SPHKAP: variants seen among roughly 807,000 people sequenced by gnomAD.
SPHKAP encodes the protein A-kinase anchor protein SPHKAP.
SPHKAP carries 67 observed loss-of-function variants against 137.5 expected under a neutral mutation model. The ratio of observed to expected loss-of-function variants is 0.49; its 90% confidence interval spans 0.40 to 0.60. The LOEUF (loss-of-function observed/expected upper bound fraction) is 0.60. Among genes scored for constraint, SPHKAP ranks in the 20% least tolerant of loss-of-function variants. SPHKAP has a pLI of 0.00. For synonymous variants in SPHKAP, 813 were observed against 785.3 expected (o/e 1.04, Z -0.59); for missense variants, 2,097 against 2,069.3 (o/e 1.01, Z -0.26).
intron 2 of SPHKAP, among the ~76,000 whole-genome samples, chr2:228,113,603 A>ATCTCTCTCTCTATCTCTCTCTCTCTC (rs1698590849): frequency 1.0e-5 from 1 of 97,948 alleles, no homozygotes; most frequent in Admixed American, 1.2e-4. Flanking sequence ...GCATTTAGCC[A>ATCTCTCTCTCTATCTCTCTCTCTCTC]TCTCTCTCTC....
At chr2:228,061,636 G>A (rs1315330112) in intron 3 of SPHKAP, among the ~76,000 whole-genome samples, 1 of 151,874 alleles carries the variant, frequency 6.6e-6, no homozygotes, top group Non-Finnish European at 1.5e-5. Flanking sequence ...TGGGTAAATA[G>A]ACTTTACGAT....
intron 3 of SPHKAP, among the ~76,000 whole-genome samples, chr2:228,100,440 T>C (rs1175327943): frequency 1.3e-5 from 2 of 152,176 alleles, no homozygotes; most frequent in Non-Finnish European, 2.9e-5. Context: ...GGGGAATGCT[T>C]CCAGCTCTTG....
intron 3 of SPHKAP, among the ~76,000 whole-genome samples, chr2:228,043,057 A>G (rs976542159): frequency 2.0e-5 from 3 of 152,240 alleles, no homozygotes; most frequent in Admixed American, 2.0e-4. Flanking sequence ...AAATATAGAC[A>G]TGTTAAAAAT....
At chr2:228,027,653 CT>C in intron 3 of SPHKAP, 110 bp from the exon 4 acceptor site, 1 of 1,079,982 alleles carries the variant, frequency 9.3e-7, no homozygotes, top group Non-Finnish European at 1.4e-6. Flanking sequence ...TCTTCCACAT[CT>C]TAGACAGTTT....
At chr2:228,160,678 G>A (rs1700248157) in intron 1 of SPHKAP, among the ~76,000 whole-genome samples, 1 of 152,158 alleles carries the variant, frequency 6.6e-6, no homozygotes, top group African/African-American at 2.4e-5. Context: ...TGGGGACACA[G>A]CTAAATCATA....
chr2:228,135,274 C>CA (rs11435994), intron 1 of SPHKAP, among the ~76,000 whole-genome samples: 24,767 of 95,218 alleles, frequency 0.26, 3,452 homozygotes, highest in East Asian at 0.32. Context: ...AACTCTGTCT[C>CA]AAAAAAAAAA....
intron 1 of SPHKAP, among the ~76,000 whole-genome samples, chr2:228,154,385 T>C (rs1700029430): frequency 6.7e-6 from 1 of 150,356 alleles, no homozygotes; most frequent in African/African-American, 2.4e-5. Flanking sequence ...AGAAAAAAAT[T>C]AGTTAAAAAT....
rs151249965 is a variant in SPHKAP, at chr2:228,179,093, T to C, written c.32+2474A>G. On this transcript the variant is annotated intron_variant, in intron 1 of 11. Coordinates refer to ENST00000392056, the MANE Select transcript of SPHKAP (RefSeq NM_001142644.2). ...AATGGAAAAGCCAACATAAAATATA[T>C]TCTATAATTAACTCAATGTTATTAA... is the stretch of plus-strand genomic sequence containing the variant. 8.3e-3 allele frequency among the ~76,000 whole-genome samples: 1,264 copies of C among 152,286 alleles called. 8 individuals carry two copies. Among genetic ancestry groups the C allele is most frequent in the African/African-American group, 0.017 (710 of 41,568 alleles).
chr2:228,041,627 A>G (rs934741319), intron 3 of SPHKAP, among the ~76,000 whole-genome samples: 22 of 143,646 alleles, frequency 1.5e-4, no homozygotes, highest in African/African-American at 5.8e-4. Flanking sequence ...AGCCTGGGTG[A>G]CAGAGTCAGA....
intron 7 of SPHKAP, among the ~76,000 whole-genome samples, chr2:228,003,242 T>C (rs1350736447): frequency 3.3e-5 from 5 of 152,238 alleles, no homozygotes; most frequent in Non-Finnish European, 7.3e-5. Flanking sequence ...TTTTATTTCG[T>C]TGAGCAGTGG....
intron 3 of SPHKAP, among the ~76,000 whole-genome samples, chr2:228,031,997 A>G (rs1695346230): frequency 6.6e-6 from 1 of 152,232 alleles, no homozygotes; most frequent in Non-Finnish European, 1.5e-5. Flanking sequence ...AAAGGAACGC[A>G]GCTCCTCACC....
intron 3 of SPHKAP, among the ~76,000 whole-genome samples, chr2:228,043,304 A>C (rs1695918705): frequency 1.3e-5 from 2 of 152,186 alleles, no homozygotes; most frequent in African/African-American, 4.8e-5. Context: ...AACATTTAAA[A>C]GAGTTAGTTG....
intron 7 of SPHKAP, among the ~76,000 whole-genome samples, chr2:228,002,640 C>T (rs1693953145): frequency 6.6e-6 from 1 of 152,178 alleles, no homozygotes; most frequent in African/African-American, 2.4e-5. Context: ...GAAGTCCTTG[C>T]CCATGCCTAT....
rs796647258 is a variant in SPHKAP, at chr2:228,092,418, T to G, written c.246+16414A>C. 4.8e-5 allele frequency among the ~76,000 whole-genome samples: 6 copies of G among 126,082 alleles called. No individual in the cohort carries two copies. The South Asian group carries it at 1.4e-3, about 29-fold the overall frequency. 82.7% of individuals were successfully genotyped at this position (126,082 alleles called of 152,430 possible). On this transcript the variant is annotated intron_variant, in intron 3 of 11. Coordinates refer to ENST00000392056, the MANE Select transcript of SPHKAP (RefSeq NM_001142644.2). The stretch of plus-strand genomic sequence containing the variant: ...ATATACACATATACACATATATACA[T>G]ATATACATATATGTATATATGTGCC...
intron 7 of SPHKAP, among the ~76,000 whole-genome samples, chr2:228,006,557 G>A (rs781780979): frequency 2.0e-5 from 3 of 152,074 alleles, no homozygotes; most frequent in African/African-American, 4.8e-5. Context: ...GTCATTCTCC[G>A]TCCAGCTTTG....
chr2:228,033,568 G>A (rs1308467747), intron 3 of SPHKAP, among the ~76,000 whole-genome samples: 1 of 152,126 alleles, frequency 6.6e-6, no homozygotes, highest in Non-Finnish European at 1.5e-5. Flanking sequence ...CAAATCAATA[G>A]AATATACATT....
intron 11 of SPHKAP, among the ~76,000 whole-genome samples, chr2:227,983,903 C>CT (rs1254353755): frequency 6.6e-6 from 1 of 152,012 alleles, no homozygotes; most frequent in Non-Finnish European, 1.5e-5. Context: ...CACGTGGTGA[C>CT]TGAGTGGGAA....
chr2:228,025,707 G>A (rs1292350240), intron 4 of SPHKAP, among the ~76,000 whole-genome samples, 179 bp from the exon 5 acceptor site: 3 of 152,108 alleles, frequency 2.0e-5, no homozygotes, highest in Admixed American at 2.0e-4. Flanking sequence ...TAGATTGAAA[G>A]AGAAAATATA....
Position 228,016,934 on chromosome 2 carries a change from T to G in SPHKAP, c.3920A>C (p.His1307Pro). Residue 1307 changes from histidine (H) to proline (P), a missense_variant, in exon 7 of 12, where the codon CAT (histidine) becomes CCT (proline). Transcript: ENST00000392056. ...GTDHITNMLI[H>P]ETWASSIEAL... Reference sequence around the variant, plus strand: ...CTCAATGGAGCTAGCCCACGTTTCATGAATTAACATGTTGGTGATGTGGTC... The same window carrying G: ...CTCAATGGAGCTAGCCCACGTTTCAGGAATTAACATGTTGGTGATGTGGTC... 6.2e-7 allele frequency: 1 copy of G among 1,614,146 alleles called. No homozygotes were observed. Among genetic ancestry groups the G allele is most frequent in the Non-Finnish European group, 8.5e-7 (1 of 1,180,018 alleles).
Sources: gnomAD v4.1 joint callset for allele counts (sites outside exome capture counted in the v4.1 genomes callset) on GRCh38, gnomAD v4.1.1 for gene constraint, MANE v1.5 for transcripts, NCBI Gene and HGNC (gene_info 2026-07-23, HGNC 2026-07-21) for gene names.